NME8: variants seen among roughly 807,000 people sequenced by gnomAD.
The protein encoded by NME8 is protein NME8.
A neutral mutation model predicts 82.3 loss-of-function variants in NME8; 72 were observed. The ratio of observed to expected loss-of-function variants is 0.87; its 90% CI spans 0.72 to 1.06. The LOEUF (loss-of-function observed/expected upper bound fraction) is 1.06, where lower values mean the gene tolerates loss of function less well. NME8 is among the 50% of genes least tolerant of loss of function. The pLI, the probability that NME8 is intolerant of heterozygous loss-of-function variation, is 0.00. For synonymous variants in NME8, 267 were observed against 228.5 expected, an observed-to-expected ratio of 1.17 and a Z score of -1.52; for missense variants, 712 against 685.4, an observed-to-expected ratio of 1.04 and a Z score of -0.43.
In NME8 at chr7:37,874,719, C is replaced by T. The variant is rs184232657; in HGVS notation, c.819-2113C>T. On this transcript the variant is annotated intron_variant, in intron 11 of 17. Coordinates refer to ENST00000199447, the MANE Select transcript of NME8 (RefSeq NM_016616.5). ...CTAACTATGAAAAGGTTAATTTTCCCGTCACATATAGACATTACTAGGTAA... is the reference window on the plus strand; with the variant it reads ...CTAACTATGAAAAGGTTAATTTTCCTGTCACATATAGACATTACTAGGTAA... Among the ~76,000 whole-genome samples the T allele has an allele frequency of 6.6e-4, 101 of 151,898 alleles. No homozygotes were observed. The South Asian group carries it at 0.014, about 21-fold the overall frequency.
Position 37,850,810 on chromosome 7 carries a change from T to C in NME8, c.198+75T>C, listed in dbSNP as rs149640541. On this transcript the variant is annotated intron_variant, in intron 5 of 17. Coordinates refer to ENST00000199447, the MANE Select transcript of NME8 (RefSeq NM_016616.5). ...TTTAAGTATCCTCTAATACTTTAAG[T>C]ATTGTCTTAATTTAAACAACCTGTC... 5.1e-4 allele frequency: 490 copies of C among 958,768 alleles called. 1 individual carries two copies. The African/African-American group carries it at 7.2e-3, about 14-fold the overall frequency. 59.4% of individuals were successfully genotyped at this position (958,768 alleles called of 1,614,324 possible).
At chr7:37,891,957 A>T (rs767856732) in intron 15 of NME8, among the ~76,000 whole-genome samples, 3 of 152,110 alleles carry the variant, frequency 2.0e-5, no homozygotes, top group Non-Finnish European at 4.4e-5. Context: ...ACTTGTGTTA[A>T]ATGTTAAATG....
intron 16 of NME8, among the ~76,000 whole-genome samples, chr7:37,896,290 T>A (rs1408581028): frequency 6.6e-6 from 1 of 152,202 alleles, no homozygotes; most frequent in African/African-American, 2.4e-5. Flanking sequence ...GCTGGAAGTT[T>A]CTTGTTCAGG....
At chr7:37,866,842 G>A (rs916526333) in intron 10 of NME8, among the ~76,000 whole-genome samples, 1 of 152,152 alleles carries the variant, frequency 6.6e-6, no homozygotes, top group African/African-American at 2.4e-5. Context: ...TACATTTTAG[G>A]GAGACATGAG....
intron 7 of NME8, among the ~76,000 whole-genome samples, chr7:37,862,768 G>A (rs965581333): frequency 6.6e-6 from 1 of 151,998 alleles, no homozygotes; most frequent in South Asian, 2.1e-4. Flanking sequence ...TGTGTTTGCA[G>A]TTTTCTTATT....
chr7:37,877,086 G>T (rs1044786728), intron 12 of NME8, 79 bp downstream of exon 12: 1 of 1,206,610 alleles, frequency 8.3e-7, no homozygotes, highest in African/African-American at 1.5e-5. Flanking sequence ...TGCATTTAAA[G>T]ACATTGTTTT....
At position 37,848,907 on chromosome 7, in the gene NME8, G is replaced by A. The variant is rs1784399424; in HGVS notation, c.-157G>A. ...AGGAGGCCTGCTAGCCTCAGCCTCG[G>A]GCCCTACCAGGGTCCTAGGTACTGG... On this transcript the variant is annotated 5_prime_UTR_variant, in exon 2 of 18. Transcript: ENST00000199447. 1 of 152,244 alleles carries A rather than the reference G, an allele frequency of 6.6e-6. No individual in the cohort carries two copies. Among genetic ancestry groups the A allele is most frequent in the Admixed American group, 6.5e-5 (1 of 15,286 alleles). The allele number at this position is 152,244 out of a possible 1,614,324, so 9.4% of individuals were successfully genotyped here. A position where few individuals can be genotyped will look rare whatever the true frequency, so the allele number is the denominator to read the frequency against.
At position 37,897,069 on chromosome 7, in the gene NME8, T is replaced by G. The variant is rs1346026530; in HGVS notation, c.1744T>G (p.Phe582Val). The change falls in exon 17 of 18, where the codon TTT becomes GTT. Residue 582 changes from phenylalanine (F) to valine (V), a missense_variant. Physicochemically the swap from Phe to Val is conservative, Grantham distance 50 (BLOSUM62 -1). Coordinates refer to ENST00000199447, the MANE Select transcript of NME8 (RefSeq NM_016616.5). ...YEAKEVVNRL[F>V]EDPEEN ...AGCAAAAGAGGTTGTTAATAGACTC[T>G]TTGAGGATCCTGAGGAAAACTAAAG... The G allele has an allele frequency of 6.2e-7, 1 of 1,613,176 alleles. No individual in the cohort carries two copies. Among genetic ancestry groups the G allele is most frequent in the South Asian group, 1.1e-5 (1 of 91,066 alleles).
intron 14 of NME8, among the ~76,000 whole-genome samples, chr7:37,885,582 C>A (rs1165748621): frequency 6.6e-6 from 1 of 152,190 alleles, no homozygotes; most frequent in Admixed American, 6.6e-5. Flanking sequence ...GTTATGGTGG[C>A]AGCTGTAGCT....
intron 17 of NME8, among the ~76,000 whole-genome samples, chr7:37,899,158 A>C (rs1438267721): frequency 1.3e-5 from 2 of 152,214 alleles, no homozygotes; most frequent in Non-Finnish European, 2.9e-5. Flanking sequence ...CAGAAATACC[A>C]TTTGACCCAG....
At chr7:37,866,024 C>T (rs370675236) in intron 10 of NME8, among the ~76,000 whole-genome samples, 24 of 152,058 alleles carry the variant, frequency 1.6e-4, no homozygotes, top group African/African-American at 4.6e-4. Flanking sequence ...CAGGCTGCCC[C>T]GACCCCAACT....
At chr7:37,850,159 C>T in intron 2 of NME8, 101 bp from the exon 3 acceptor site, 2 of 903,664 alleles carry the variant, frequency 2.2e-6, no homozygotes, top group Non-Finnish European at 1.8e-6. Context: ...TATGTACCCA[C>T]AAAAATTAAA....
intron 8 of NME8, 109 bp downstream of exon 8, chr7:37,863,571 A>C (rs1784631183): frequency 2.7e-6 from 2 of 745,648 alleles, no homozygotes; most frequent in East Asian, 5.0e-5. Flanking sequence ...TTTATTAAGG[A>C]GGAATTATTC....
At chr7:37,888,085 T>C (rs1414858117) in intron 14 of NME8, among the ~76,000 whole-genome samples, 192 bp from the exon 15 acceptor site, 1 of 152,154 alleles carries the variant, frequency 6.6e-6, no homozygotes, top group African/African-American at 2.4e-5. Context: ...ATCACATCCT[T>C]TCTTCCTAAT....
chr7:37,870,037 A>T (rs1294941983), intron 11 of NME8, among the ~76,000 whole-genome samples: 2 of 152,068 alleles, frequency 1.3e-5, no homozygotes, highest in Non-Finnish European at 2.9e-5. Context: ...TGTACAAGTT[A>T]ATTTCTGTGC....
intron 5 of NME8, among the ~76,000 whole-genome samples, chr7:37,853,907 G>A (rs1177408497): frequency 6.7e-6 from 1 of 150,338 alleles, no homozygotes; most frequent in East Asian, 1.9e-4. Flanking sequence ...AGTTAATAGT[G>A]TTTATTATAG....
intron 11 of NME8, among the ~76,000 whole-genome samples, chr7:37,868,449 C>G (rs1784723777): frequency 6.6e-6 from 1 of 152,034 alleles, no homozygotes; most frequent in Non-Finnish European, 1.5e-5. Context: ...AAGCCTGGTA[C>G]CAGATGCCAG....
At chr7:37,889,626 A>T (rs1198467945) in intron 15 of NME8, among the ~76,000 whole-genome samples, 1 of 151,874 alleles carries the variant, frequency 6.6e-6, no homozygotes, top group Non-Finnish European at 1.5e-5. Flanking sequence ...TGGGCCTTTG[A>T]GTTATTCAAC....
intron 13 of NME8, 146 bp from the exon 14 acceptor site, chr7:37,884,998 GA>G (rs967177080): frequency 3.1e-5 from 20 of 649,554 alleles, no homozygotes; most frequent in Admixed American, 1.2e-4. Context: ...CATATCAACG[GA>G]AAAAAATCAC....
Sources: gnomAD v4.1 joint callset for allele counts (sites outside exome capture counted in the v4.1 genomes callset) on GRCh38, gnomAD v4.1.1 for gene constraint, MANE v1.5 for transcripts, NCBI Gene and HGNC (gene_info 2026-07-23, HGNC 2026-07-21) for gene names.